Variants in SLC35G2 observed in about 807,000 individuals in gnomAD.
SLC35G2 encodes solute carrier family 35 member G2, also known as transmembrane protein 22.
SLC35G2 carries 20 observed loss-of-function variants against 27.2 expected under a neutral mutation model. That is an observed-to-expected ratio of 0.74 (90% CI 0.52 to 1.07). SLC35G2 has a LOEUF of 1.07. Ranked by LOEUF, SLC35G2 falls within the 50% of genes least tolerant of loss-of-function variation. The pLI is 0.00. For missense variants in SLC35G2, 416 were observed against 493.3 expected (o/e 0.84, Z 1.48); for synonymous variants, 148 against 165.3 (o/e 0.90, Z 0.80).
intron 1 of SLC35G2, among the ~76,000 whole-genome samples, chr3:136,821,459 T>G (rs534597596): frequency 3.3e-4 from 50 of 152,274 alleles, no homozygotes; most frequent in African/African-American, 1.1e-3. Flanking sequence ...AAAAAAAATT[T>G]TTTTTTGAGA....
chr3:136,822,627 C>T (rs1054151022), intron 1 of SLC35G2, among the ~76,000 whole-genome samples: 1 of 152,174 alleles, frequency 6.6e-6, no homozygotes, highest in South Asian at 2.1e-4. Flanking sequence ...CTCTCTATCT[C>T]CATGAGTTCA....
chr3:136,844,730 G>A lies in SLC35G2; in HGVS notation c.-18-9713G>A, dbSNP rs191320279. ...CACGAATTGCTTGAACCTGGGAGGT[G>A]GAAGTTGTAGTGAGCAGAGATTGGG... On this transcript the variant is annotated intron_variant, in intron 1 of 1. Transcript: ENST00000446465. 3.4e-5 allele frequency among the ~76,000 whole-genome samples: 5 copies of A among 148,022 alleles called. No homozygotes were observed. The East Asian group carries it at 8.1e-4, about 24-fold the overall frequency.
chr3:136,850,514 A>T (rs1364797605), intron 1 of SLC35G2, among the ~76,000 whole-genome samples: 2 of 152,204 alleles, frequency 1.3e-5, no homozygotes, highest in South Asian at 2.1e-4. Flanking sequence ...TAATATTTTA[A>T]AAAATGTATA....
intron 1 of SLC35G2, among the ~76,000 whole-genome samples, chr3:136,851,716 A>G (rs1475552957): frequency 6.6e-6 from 1 of 152,124 alleles, no homozygotes; most frequent in Non-Finnish European, 1.5e-5. Context: ...TTGAAATTTG[A>G]TAAGGTAGAG....
In SLC35G2 at chr3:136,829,509, C is replaced by T. The variant is rs148130646; in HGVS notation, c.-19+9881C>T. ...TGCTGGGATTACAGGTGTGAGCCACCGCACCTGGACTCCTTTAGATTATTT... is the reference window on the plus strand; with the variant it reads ...TGCTGGGATTACAGGTGTGAGCCACTGCACCTGGACTCCTTTAGATTATTT... On this transcript the variant is annotated intron_variant, in intron 1 of 1. Transcript: ENST00000446465. 6.3e-3 allele frequency among the ~76,000 whole-genome samples: 958 copies of T among 152,242 alleles called. 6 individuals are homozygous for T. The highest frequency in any genetic ancestry group is 9.8e-3 in the Non-Finnish European group (667 of 68,010).
intron 1 of SLC35G2, among the ~76,000 whole-genome samples, chr3:136,835,004 A>G (rs564923548): frequency 5.4e-4 from 83 of 152,318 alleles, no homozygotes; most frequent in African/African-American, 1.8e-3. Context: ...AATTATCCCT[A>G]ACTACTTAAG....
intron 1 of SLC35G2, among the ~76,000 whole-genome samples, chr3:136,828,370 C>G (rs1936642108): frequency 6.6e-6 from 1 of 152,068 alleles, no homozygotes; most frequent in Non-Finnish European, 1.5e-5. Context: ...GTATTGAGGT[C>G]TCTCTCTTTC....
Position 136,854,827 on chromosome 3 carries a change from A to G in SLC35G2, c.367A>G (p.Arg123Gly). ...LAHGCVALIT[R>G]LVSDRSKVPS... Reference sequence around the variant, plus strand: ...TCATGGATGTGTAGCTCTTATCACTAGGCTTGTTTCTGATCGGTCTAAAGT... The same window carrying G: ...TCATGGATGTGTAGCTCTTATCACTGGGCTTGTTTCTGATCGGTCTAAAGT... The change falls in exon 2 of 2, where the codon AGG (arginine) becomes GGG (glycine). Residue 123 changes from arginine to glycine, a missense_variant. Physicochemically the swap from Arg to Gly is moderately radical, Grantham distance 125. Transcript: ENST00000446465. The G allele has an allele frequency of 6.2e-7, 1 of 1,614,180 alleles. No homozygotes were observed. Among genetic ancestry groups the G allele is most frequent in the Non-Finnish European group, 8.5e-7 (1 of 1,180,030 alleles).
intron 1 of SLC35G2, among the ~76,000 whole-genome samples, chr3:136,846,878 T>C (rs568764424): frequency 6.6e-6 from 1 of 152,316 alleles, no homozygotes; most frequent in East Asian, 1.9e-4. Context: ...ATCTCTAAAA[T>C]AAAATTTCCG....
At chr3:136,837,131 C>G (rs536781038) in intron 1 of SLC35G2, among the ~76,000 whole-genome samples, 2 of 150,824 alleles carry the variant, frequency 1.3e-5, no homozygotes, top group Admixed American at 1.3e-4. Context: ...TAGTATGTAT[C>G]TACACACACA....
At chr3:136,852,509 T>C (rs1164866270) in intron 1 of SLC35G2, among the ~76,000 whole-genome samples, 1 of 151,746 alleles carries the variant, frequency 6.6e-6, no homozygotes, top group Non-Finnish European at 1.5e-5. Context: ...TTTTTTTTTT[T>C]TGAGATGGAG....
At chr3:136,830,325 C>T (rs559184444) in intron 1 of SLC35G2, among the ~76,000 whole-genome samples, 6 of 151,816 alleles carry the variant, frequency 4.0e-5, no homozygotes, top group South Asian at 2.1e-4. Flanking sequence ...CTCTATCGCC[C>T]GAGCTGGAGT....
intron 1 of SLC35G2, among the ~76,000 whole-genome samples, chr3:136,848,288 G>A (rs1439704281): frequency 6.6e-6 from 1 of 152,190 alleles, no homozygotes; most frequent in African/African-American, 2.4e-5. Context: ...AACTTAGATA[G>A]ATTAGTGTTT....
intron 1 of SLC35G2, among the ~76,000 whole-genome samples, chr3:136,852,637 C>T (rs930270972): frequency 1.3e-5 from 2 of 151,596 alleles, no homozygotes; most frequent in Non-Finnish European, 2.9e-5. Flanking sequence ...GGATTACAGG[C>T]ACCTGCCACC....
At chr3:136,839,777 A>G (rs574778955) in intron 1 of SLC35G2, among the ~76,000 whole-genome samples, 24 of 152,090 alleles carry the variant, frequency 1.6e-4, no homozygotes, top group Non-Finnish European at 3.4e-4. Flanking sequence ...TTCCTTCCCT[A>G]ATTTTCTGCT....
intron 1 of SLC35G2, among the ~76,000 whole-genome samples, chr3:136,853,840 A>G (rs1380984476): frequency 6.6e-6 from 1 of 152,200 alleles, no homozygotes; most frequent in Non-Finnish European, 1.5e-5. Flanking sequence ...TGTTCACGAG[A>G]GAGGTTGTAC....
intron 1 of SLC35G2, among the ~76,000 whole-genome samples, chr3:136,834,015 AAT>A (rs1022058220): frequency 2.6e-4 from 40 of 151,914 alleles, no homozygotes; most frequent in Admixed American, 2.2e-3. Flanking sequence ...ACCTTTATTA[AAT>A]ATATGTTAAT....
In SLC35G2 at chr3:136,855,207, A is replaced by T. The variant is rs145390054; in HGVS notation, c.747A>T (p.Leu249Phe). 9.1e-5 allele frequency: 147 copies of T among 1,614,074 alleles called. No homozygotes were observed. Among genetic ancestry groups the T allele is most frequent in the Admixed American group, 1.3e-4 (8 of 60,004 alleles). ...PNIVDEDNSL[L>F]NAWKEAFGYT... ...TTGTTGATGAAGACAATTCTTTGTT[A>T]AATGCCTGGAAAGAAGCCTTTGGGT... Residue 249 changes from leucine (L) to phenylalanine (F), a missense_variant, in exon 2 of 2, where the codon TTA (leucine) becomes TTT (phenylalanine). Coordinates refer to ENST00000446465, the MANE Select transcript of SLC35G2 (RefSeq NM_025246.3).
chr3:136,849,466 T>TC (rs1212565926), intron 1 of SLC35G2, among the ~76,000 whole-genome samples: 5 of 151,672 alleles, frequency 3.3e-5, no homozygotes, highest in Non-Finnish European at 7.4e-5. Context: ...CAACTTTTTT[T>TC]TTTTACTTTA....
Sources: allele counts gnomAD v4.1 joint callset (sites outside exome capture counted in the v4.1 genomes callset), GRCh38; gene constraint gnomAD v4.1.1; transcripts MANE v1.5; gene names NCBI Gene and HGNC (gene_info 2026-07-23, HGNC 2026-07-21).